Variants in CADM2 observed in about 807,000 individuals in gnomAD.
CADM2 encodes the protein cell adhesion molecule 2.
CADM2 carries 12 observed loss-of-function variants against 49.8 expected under a neutral mutation model. The ratio of observed to expected loss-of-function variants is 0.24; its 90% CI spans 0.15 to 0.39. The LOEUF (loss-of-function observed/expected upper bound fraction) is 0.39. Ranked by LOEUF, CADM2 falls within the 10% of genes least tolerant of loss-of-function variation. The pLI is 1.00. For synonymous variants in CADM2, 214 were observed against 175.4 expected, an observed-to-expected ratio of 1.22 and a Z score of -1.74; for missense variants, 378 against 492.3, an observed-to-expected ratio of 0.77 and a Z score of 2.20.
chr3:85,632,666 A>G (rs997955217), intron 1 of CADM2, among the ~76,000 whole-genome samples: 7 of 151,976 alleles, frequency 4.6e-5, no homozygotes, highest in Non-Finnish European at 1.0e-4. Flanking sequence ...CATGAGGTAA[A>G]TGTCTTGATT....
chr3:85,211,404 A>G (rs1319279081), intron 1 of CADM2, among the ~76,000 whole-genome samples: 2 of 151,670 alleles, frequency 1.3e-5, no homozygotes, highest in African/African-American at 2.4e-5. Context: ...AAGTTTTTCT[A>G]TTTTTTTATG....
chr3:85,173,450 A>G (rs2040690133), intron 1 of CADM2, among the ~76,000 whole-genome samples: 1 of 151,858 alleles, frequency 6.6e-6, no homozygotes, highest in Non-Finnish European at 1.5e-5. Context: ...AACTCATTTA[A>G]TTCAATGTTT....
At position 85,928,448 on chromosome 3, in the gene CADM2, C is replaced by T. The variant is rs377286447; in HGVS notation, c.701-7319C>T. 2.0e-4 allele frequency among the ~76,000 whole-genome samples: 31 copies of T among 152,118 alleles called. 1 individual carries two copies. The highest frequency in any genetic ancestry group is 8.3e-4 in the South Asian group (4 of 4,826). ...CTGGGATTACAGGCGTGAGCCACCA[C>T]GCCCAGTCAAAAGAAGAAAAACCTT... On this transcript the variant is annotated intron_variant, in intron 6 of 9. Transcript: ENST00000383699.
At chr3:85,294,894 A>T (rs4053304) in intron 1 of CADM2, among the ~76,000 whole-genome samples, 10,244 of 152,054 alleles carry the variant, frequency 0.067, 1,124 homozygotes, top group African/African-American at 0.23. Context: ...GGACTTCATG[A>T]CTAAAACACC....
At position 85,515,957 on chromosome 3, in the gene CADM2, A is replaced by T. The variant is rs77409828; in HGVS notation, c.62-210565A>T. On this transcript the variant is annotated intron_variant, in intron 1 of 9. Coordinates refer to ENST00000383699, the MANE Select transcript of CADM2 (RefSeq NM_001167675.2). ...TAATTAAACAATAGTGACAGCTTTAATTTTTAAACTACACAAACTTGTCAT... is the reference window on the plus strand; with the variant it reads ...TAATTAAACAATAGTGACAGCTTTATTTTTTAAACTACACAAACTTGTCAT... Among the ~76,000 whole-genome samples the T allele has an allele frequency of 9.4e-3, 1,431 of 152,252 alleles. 22 individuals are homozygous for T. Among genetic ancestry groups the T allele is most frequent in the African/African-American group, 0.031 (1,273 of 41,548 alleles).
At chr3:85,571,315 C>CT (rs1207829911) in intron 1 of CADM2, among the ~76,000 whole-genome samples, 1 of 151,940 alleles carries the variant, frequency 6.6e-6, no homozygotes, top group Non-Finnish European at 1.5e-5. Context: ...CTCAAAATGG[C>CT]TTTTTTTCCA....
intron 8 of CADM2, among the ~76,000 whole-genome samples, chr3:86,059,546 T>G (rs570628930): frequency 4.4e-4 from 67 of 152,312 alleles, no homozygotes; most frequent in African/African-American, 1.4e-3. Context: ...TGAAATTTAC[T>G]CCAACATTAA....
At chr3:86,028,966 TTGGACTAGATA>T (rs1484252514) in intron 8 of CADM2, among the ~76,000 whole-genome samples, 4 of 152,122 alleles carry the variant, frequency 2.6e-5, no homozygotes, top group Non-Finnish European at 4.4e-5. Context: ...ATAAGTACAA[TTGGACTAGATA>T]TGGCTGGATA....
At chr3:85,071,209 G>A (rs6783544) in intron 1 of CADM2, among the ~76,000 whole-genome samples, 59 of 151,900 alleles carry the variant, frequency 3.9e-4, no homozygotes, top group African/African-American at 1.4e-3. Flanking sequence ...TAAGATGGGA[G>A]GGAAAGAAGG....
intron 1 of CADM2, among the ~76,000 whole-genome samples, chr3:85,250,969 A>G (rs940938354): frequency 2.0e-5 from 3 of 151,732 alleles, no homozygotes; most frequent in South Asian, 2.1e-4. Flanking sequence ...AAATGTTACT[A>G]TGAAATTCCA....
At chr3:85,965,925 G>A (rs1725418526) in intron 8 of CADM2, among the ~76,000 whole-genome samples, 1 of 151,660 alleles carries the variant, frequency 6.6e-6, no homozygotes, top group African/African-American at 2.4e-5. Context: ...TGACAGAAAT[G>A]TACAGGACCT....
chr3:85,273,214 T>G (rs542931552), intron 1 of CADM2, among the ~76,000 whole-genome samples: 1 of 151,420 alleles, frequency 6.6e-6, no homozygotes, highest in East Asian at 1.9e-4. Flanking sequence ...GAACAAGAGA[T>G]AGATCAGTAA....
chr3:85,646,761 T>C (rs917576566), intron 1 of CADM2, among the ~76,000 whole-genome samples: 1 of 151,908 alleles, frequency 6.6e-6, no homozygotes, highest in African/African-American at 2.4e-5. Flanking sequence ...ACTTGAAAAC[T>C]AGGCCAGATT....
At chr3:85,823,953 A>G (rs766159742) in intron 3 of CADM2, among the ~76,000 whole-genome samples, 27 of 152,166 alleles carry the variant, frequency 1.8e-4, no homozygotes, top group Non-Finnish European at 3.5e-4. Context: ...GAGAAAAAAC[A>G]AAACAAAACT....
rs978755642 is a variant in CADM2 at position 85,995,900 on chromosome 3, T to C, written c.970+34253T>C. ...GTCAGGAGATCAAGACCGTCCTGGC[T>C]AACCAGGTGAAACACCGTCTCTATT... is the stretch of plus-strand genomic sequence containing the variant. On this transcript the variant is annotated intron_variant, in intron 8 of 9. Transcript: ENST00000383699. Among the ~76,000 whole-genome samples, 32 of 151,960 alleles carry C rather than the reference T, an allele frequency of 2.1e-4. 1 individual carries two copies. The South Asian group carries it at 6.0e-3, about 29-fold the overall frequency.
At chr3:85,701,971 C>CATAAATAGATAG (rs1276552743) in intron 1 of CADM2, among the ~76,000 whole-genome samples, 334 of 134,318 alleles carry the variant, frequency 2.5e-3, no homozygotes, top group East Asian at 5.3e-3. Flanking sequence ...GATAGATAGA[C>CATAAATAGATAG]ATAGATAGAT....
chr3:85,640,542 A>G lies in CADM2; in HGVS notation c.62-85980A>G, dbSNP rs1384856098. 3.3e-5 allele frequency among the ~76,000 whole-genome samples: 5 copies of G among 152,118 alleles called. No homozygotes were observed. In the East Asian group the frequency reaches 7.7e-4, roughly 23 times the overall value. Reference sequence around the variant, plus strand: ...TCCATGCATCAGTATGGAGGCTGTAATGTATGAGAGAGATTGACATTTTTA... The same window carrying G: ...TCCATGCATCAGTATGGAGGCTGTAGTGTATGAGAGAGATTGACATTTTTA... On this transcript the variant is annotated intron_variant, in intron 1 of 9. Transcript: ENST00000383699.
chr3:85,095,959 G>A (rs950088771), intron 1 of CADM2, among the ~76,000 whole-genome samples: 9 of 151,956 alleles, frequency 5.9e-5, no homozygotes, highest in Non-Finnish European at 1.3e-4. Flanking sequence ...CTCGCTGAAG[G>A]ACTCCCAAGC....
chr3:85,416,674 A>T (rs2035935644), intron 1 of CADM2, among the ~76,000 whole-genome samples: 1 of 152,200 alleles, frequency 6.6e-6, no homozygotes, highest in Non-Finnish European at 1.5e-5. Flanking sequence ...CAAGCCTGGA[A>T]TACGAAAAAA....
Sources: gnomAD v4.1 joint callset for allele counts (sites outside exome capture counted in the v4.1 genomes callset) on GRCh38, gnomAD v4.1.1 for gene constraint, MANE v1.5 for transcripts, NCBI Gene and HGNC (gene_info 2026-07-23, HGNC 2026-07-21) for gene names.